The following C1QBP variants were observed in gnomAD, a reference collection of about 807,000 sequenced individuals.
The protein encoded by C1QBP is complement C1q binding protein, also known as complement component 1 Q subcomponent-binding protein, mitochondrial.
In C1QBP, 24 loss-of-function variants were observed where a neutral mutation model predicts 29.4. The ratio of observed to expected loss-of-function variants is 0.82; its 90% CI spans 0.59 to 1.15. The LOEUF (loss-of-function observed/expected upper bound fraction) is 1.15. Among genes scored for constraint, C1QBP ranks in the 50% most tolerant of loss-of-function variants. The pLI is 0.00. For synonymous variants in C1QBP, 182 were observed against 149.2 expected (o/e 1.22, Z -1.60); for missense variants, 337 against 355.8 (o/e 0.95, Z 0.43).
chr17:5,434,102 T>C (rs1916188843), intron 3 of C1QBP: 1 of 310,444 alleles, frequency 3.2e-6, no homozygotes, highest in Non-Finnish European at 6.2e-6. Context: ...AAGATCTCTT[T>C]CCAGCTTGAC....
In C1QBP at chr17:5,438,204, G is replaced by A. The variant is rs771180694; in HGVS notation, c.302C>T (p.Thr101Ile). 29 of 1,613,904 alleles carry A rather than the reference G, an allele frequency of 1.8e-5. No individual in the cohort carries two copies. Among genetic ancestry groups the A allele is most frequent in the East Asian group, 1.8e-4 (8 of 44,902 alleles). Residue 101 changes from threonine (T) to isoleucine (I), a missense_variant, in exon 2 of 6, where the codon ACC becomes ATC. By Grantham distance (89) the Thr-to-Ile change is moderately conservative (BLOSUM62 -1). Coordinates refer to ENST00000225698, the MANE Select transcript of C1QBP (RefSeq NM_001212.4). ...CCAACCTCCAGACATCTTAGGGAGGGTTTTATGCTTCTGAATTTTTCTTTC... is the reference window on the plus strand; with the variant it reads ...CCAACCTCCAGACATCTTAGGGAGGATTTTATGCTTCTGAATTTTTCTTTC... ...KEERKIQKHK[T>I]LPKMSGGWEL...
rs1286833676 is a variant in C1QBP at position 5,435,654 on chromosome 17, GT to G, written c.384-689del. On this transcript the variant is annotated intron_variant, in intron 2 of 5. Coordinates refer to ENST00000225698, the MANE Select transcript of C1QBP (RefSeq NM_001212.4). ...CACACCTGACAAATCATGTTCCAAA[GT>G]TTGAGTCAAAATTCTTGGGACATAA... Among the ~76,000 whole-genome samples, 3 of 152,194 alleles carry G rather than the reference GT, an allele frequency of 2.0e-5. No individual in the cohort carries two copies. In the East Asian group the frequency reaches 5.8e-4, roughly 29 times the overall value.
In C1QBP at chr17:5,432,851, A is replaced by C; in HGVS notation, c.*164T>G. ...GAAATAATAGATTTGTACAGAAAAA[A>C]ATGATAATAAATGAGAACACAAAAC... On this transcript the variant is annotated 3_prime_UTR_variant, in exon 6 of 6. Transcript: ENST00000225698. 1 of 949,114 alleles carries C rather than the reference A, an allele frequency of 1.1e-6. No homozygotes were observed. Among genetic ancestry groups the C allele is most frequent in the Non-Finnish European group, 1.5e-6 (1 of 669,176 alleles). The allele number at this position is 949,114 out of a possible 1,614,324, so 58.8% of individuals were successfully genotyped here.
chr17:5,439,094 C>T lies in C1QBP; in HGVS notation c.-21G>A. On this transcript the variant is annotated 5_prime_UTR_variant, in exon 1 of 6. The change creates a new upstream start codon in the 5' untranslated region. Transcript: ENST00000225698. The stretch of plus-strand genomic sequence containing the variant: ...AGCATCGCGGAAACGACTGCGAACA[C>T]GTGCAGATGCAAAGGACAACCCAGG... 6.5e-7 allele frequency: 1 copy of T among 1,540,398 alleles called. No individual in the cohort carries two copies. The highest frequency in any genetic ancestry group is 8.7e-7 in the Non-Finnish European group (1 of 1,143,180).
At chr17:5,434,286 G>A (rs1197306617) in intron 3 of C1QBP, among the ~76,000 whole-genome samples, 1 of 152,146 alleles carries the variant, frequency 6.6e-6, no homozygotes, top group Admixed American at 6.5e-5. Context: ...CCAGAGAGCT[G>A]CGCCGTCCAC....
chr17:5,434,785 TGAAA>T, intron 3 of C1QBP, 84 bp downstream of exon 3: 1 of 1,239,506 alleles, frequency 8.1e-7, no homozygotes, highest in Non-Finnish European at 1.1e-6. Flanking sequence ...TTTTTTTTTT[TGAAA>T]GACCAAAGAA....
At chr17:5,436,392 G>C (rs73339260) in intron 2 of C1QBP, among the ~76,000 whole-genome samples, 3,547 of 151,396 alleles carry the variant, frequency 0.023, 275 homozygotes, top group African/African-American at 0.082. Context: ...ATGAATCACA[G>C]ACCTAAACTA....
chr17:5,439,141 G>A lies in C1QBP; in HGVS notation c.-68C>T. The stretch of plus-strand genomic sequence containing the variant: ...CAGGCCTAGGCGCCCCGCGACCTGA[G>A]GCGCCGCCGGAAGCCCCGCCCCTGC... On this transcript the variant is annotated 5_prime_UTR_variant, in exon 1 of 6. Coordinates refer to ENST00000225698, the MANE Select transcript of C1QBP (RefSeq NM_001212.4). 15 of 1,526,004 alleles carry A rather than the reference G, an allele frequency of 9.8e-6. No individual in the cohort carries two copies. The highest frequency in any genetic ancestry group is 1.3e-5 in the Non-Finnish European group (15 of 1,136,434). The allele number at this position is 1,526,004 out of a possible 1,614,324, so 94.5% of individuals were successfully genotyped here.
intron 2 of C1QBP, 91 bp downstream of exon 2, chr17:5,438,032 C>CT (rs1348174602): frequency 1.3e-6 from 2 of 1,488,944 alleles, no homozygotes; most frequent in Non-Finnish European, 1.8e-6. Flanking sequence ...AGTATCCACA[C>CT]CTGAACTCAA....
At position 5,433,354 on chromosome 17, in the gene C1QBP, G is replaced by A. The variant is rs1304825990; in HGVS notation, c.638C>T (p.Ser213Phe). The change falls in exon 5 of 6, where the codon TCC becomes TTC. Residue 213 changes from serine (S) to phenylalanine (F), a missense_variant. Physicochemically the swap from Ser to Phe is radical, Grantham distance 155. Transcript: ENST00000225698. Reference protein sequence around the residue: ...IFSIREVSFQSTGESEWKDTN... With the variant: ...IFSIREVSFQFTGESEWKDTN... ...ATCCTTCCATTCAGACTCGCCAGTG[G>A]ACTGAAAGCTAACTTCCCTGATAGA... 1 of 1,613,956 alleles carries A rather than the reference G, an allele frequency of 6.2e-7. No individual in the cohort carries two copies. The highest frequency in any genetic ancestry group is 8.5e-7 in the Non-Finnish European group (1 of 1,180,018).
At chr17:5,437,119 TAATG>T (rs1916295174) in intron 2 of C1QBP, among the ~76,000 whole-genome samples, 1 of 152,164 alleles carries the variant, frequency 6.6e-6, no homozygotes, top group African/African-American at 2.4e-5. Context: ...CAGGGAGGAA[TAATG>T]AGTGACTGCT....
chr17:5,433,230 C>A lies in C1QBP; in HGVS notation c.699+63G>T, dbSNP rs983385893. 4 of 1,607,716 alleles carry A rather than the reference C, an allele frequency of 2.5e-6. No individual in the cohort carries two copies. In the African/African-American group the frequency reaches 5.4e-5, roughly 22 times the overall value. On this transcript the variant is annotated intron_variant, in intron 5 of 5. Coordinates refer to ENST00000225698, the MANE Select transcript of C1QBP (RefSeq NM_001212.4). Reference sequence around the variant, plus strand: ...ATGAACATTAAAATGCTTTTTTCTCCCCTTGAACTAGGACCCTTCCTTCCA... The same window carrying A: ...ATGAACATTAAAATGCTTTTTTCTCACCTTGAACTAGGACCCTTCCTTCCA...
chr17:5,434,827 C>T, intron 3 of C1QBP, 46 bp downstream of exon 3: 1 of 1,545,738 alleles, frequency 6.5e-7, no homozygotes, highest in Non-Finnish European at 8.9e-7. Flanking sequence ...GCCCCAGGCA[C>T]AGCCTGTCAG....
intron 3 of C1QBP, chr17:5,433,990 T>C (rs565066555): frequency 4.0e-4 from 230 of 579,460 alleles, no homozygotes; most frequent in Middle Eastern, 2.3e-3. Context: ...GAAATGTGGA[T>C]ACCAGCCTCA....
rs1381709886 is a variant in C1QBP at position 5,438,829 on chromosome 17, C to T, written c.232+13G>A. ...TTGAACGCAAACCACACCCCCGGCC[C>T]GCTAAACCTCACCGTCGGTGTGCAG... On this transcript the variant is annotated intron_variant, in intron 1 of 5. Transcript: ENST00000225698. 7.1e-6 allele frequency: 11 copies of T among 1,547,352 alleles called. No individual in the cohort carries two copies. The highest frequency in any genetic ancestry group is 9.6e-6 in the Non-Finnish European group (11 of 1,146,106).
intron 1 of C1QBP, 107 bp downstream of exon 1, chr17:5,438,735 C>T: frequency 1.3e-6 from 2 of 1,540,898 alleles, no homozygotes; most frequent in Non-Finnish European, 1.7e-6. Context: ...GGTTGCCAAT[C>T]AATGGAAAAA....
chr17:5,437,072 A>C (rs1916293858), intron 2 of C1QBP, among the ~76,000 whole-genome samples: 1 of 150,878 alleles, frequency 6.6e-6, no homozygotes, highest in Admixed American at 6.6e-5. Flanking sequence ...AGGCAATCCC[A>C]TAGAGAAAGT....
At position 5,438,427 on chromosome 17, in the gene C1QBP, C is replaced by T. The variant is rs143627010; in HGVS notation, c.233-154G>A. On this transcript the variant is annotated intron_variant, in intron 1 of 5. Transcript: ENST00000225698. ...GCCTGTTTCCTTATCGGTAAAAATA[C>T]CATAATAGTAGTAGGAAGCTGAGCC... The T allele has an allele frequency of 6.7e-4, 667 of 1,001,154 alleles. 4 individuals carry two copies. The East Asian group carries it at 0.013, about 19-fold the overall frequency. The allele number at this position is 1,001,154 out of a possible 1,614,324, so 62.0% of individuals were successfully genotyped here.
At position 5,433,690 on chromosome 17, in the gene C1QBP, G is replaced by A. The variant is rs1172205520; in HGVS notation, c.555C>T (p.Asp185=). Residue 185 remains aspartate (D), a synonymous_variant, in exon 4 of 6, where the codon GAC becomes GAT. Transcript: ENST00000225698. ...ATACCTCATCCTCTGGATAATGACA[G>A]TCCAACACAAGGGCCTTCTTGCCAT... The part of the protein sequence containing the change: ...NDDGKKALVL[D]CHYPEDEVGQ... The A allele has an allele frequency of 6.2e-7, 1 of 1,614,190 alleles. No homozygotes were observed. Among genetic ancestry groups the A allele is most frequent in the Admixed American group, 1.7e-5 (1 of 60,016 alleles).
Sources: gnomAD v4.1 joint callset for allele counts (sites outside exome capture counted in the v4.1 genomes callset) on GRCh38, gnomAD v4.1.1 for gene constraint, MANE v1.5 for transcripts, NCBI Gene and HGNC (gene_info 2026-07-23, HGNC 2026-07-21) for gene names.